Variants in PIK3AP1 observed in about 807,000 individuals in gnomAD.
The protein encoded by PIK3AP1 is phosphoinositide 3-kinase adapter protein 1.
A neutral mutation model predicts 88.1 loss-of-function variants in PIK3AP1; 21 were observed. That is an observed-to-expected ratio of 0.24 (90% CI 0.17 to 0.34). PIK3AP1 has a LOEUF of 0.34. Among genes scored for constraint, PIK3AP1 ranks in the 10% least tolerant of loss-of-function variants. The pLI, the probability that PIK3AP1 is intolerant of heterozygous loss-of-function variation, is 1.00. For synonymous variants in PIK3AP1, 398 were observed against 400.0 expected (o/e 1.00, Z 0.06); for missense variants, 828 against 1,035.7 (o/e 0.80, Z 2.75).
chr10:96,620,436 A>G lies in PIK3AP1; in HGVS notation c.1857T>C (p.Ile619=), dbSNP rs2134201181. The change falls in exon 12 of 17, where the codon ATT becomes ATC. Residue 619 remains isoleucine, a synonymous_variant. Transcript: ENST00000339364. ...ITLQEQVKLG[I]VNVDEAVLHF... ...GGAGCACAGCCTCATCCACGTTGAC[A>G]ATGCCCAGCTTCACCTGCTCCTGGA... 6.2e-7 allele frequency: 1 copy of G among 1,614,162 alleles called. No individual in the cohort carries two copies. Among genetic ancestry groups the G allele is most frequent in the Non-Finnish European group, 8.5e-7 (1 of 1,180,014 alleles).
At chr10:96,636,619 A>T (rs1398513433) in intron 8 of PIK3AP1, among the ~76,000 whole-genome samples, 1 of 152,228 alleles carries the variant, frequency 6.6e-6, no homozygotes, top group African/African-American at 2.4e-5. Flanking sequence ...CAAGCACTTA[A>T]ACTTCATGAC....
chr10:96,620,664 A>C (rs968084968), intron 11 of PIK3AP1, 107 bp from the exon 12 acceptor site: 3 of 915,568 alleles, frequency 3.3e-6, no homozygotes, highest in Non-Finnish European at 5.0e-6. Context: ...ACTCTTCTCA[A>C]AAGAACAATT....
rs749491564 is a variant in PIK3AP1, at chr10:96,631,877, C to CACTGTGT, written c.1376-3385_1376-3384insACACAGT. ...CCAGCCTGGGTGACAGAGCAAGACT[C>CACTGTGT]TGTCTCAAAAAACAAAACAAAACAA... On this transcript the variant is annotated intron_variant, in intron 8 of 16. Coordinates refer to ENST00000339364, the MANE Select transcript of PIK3AP1 (RefSeq NM_152309.3). 8.6e-3 allele frequency among the ~76,000 whole-genome samples: 1,229 copies of CACTGTGT among 143,550 alleles called. 8 individuals carry two copies. The highest frequency in any genetic ancestry group is 0.013 in the Non-Finnish European group (825 of 63,142). 94.2% of individuals were successfully genotyped at this position (143,550 alleles called of 152,430 possible).
chr10:96,662,584 C>G (rs1245430037), intron 2 of PIK3AP1, among the ~76,000 whole-genome samples: 2 of 141,468 alleles, frequency 1.4e-5, no homozygotes, highest in African/African-American at 2.7e-5. Context: ...GCCTGGGCAA[C>G]AAGAGGGAAA....
chr10:96,692,339 G>A (rs1431686639), intron 2 of PIK3AP1, among the ~76,000 whole-genome samples: 1 of 152,196 alleles, frequency 6.6e-6, no homozygotes, highest in African/African-American at 2.4e-5. Flanking sequence ...GCTTTGGGAG[G>A]CCAAGGCAGG....
Position 96,616,198 on chromosome 10 carries a change from G to C in PIK3AP1, c.2014+441C>G, listed in dbSNP as rs573627996. 9.8e-5 allele frequency among the ~76,000 whole-genome samples: 15 copies of C among 152,330 alleles called. No individual in the cohort carries two copies. The South Asian group carries it at 3.1e-3, about 32-fold the overall frequency. On this transcript the variant is annotated intron_variant, in intron 13 of 16. Transcript: ENST00000339364. ...AAGCCCTGCTACACCTGGGGCATGG[G>C]CTTCTGAAGCACTGTATGGTGTGGA...
intron 2 of PIK3AP1, among the ~76,000 whole-genome samples, chr10:96,667,484 A>G (rs565420964): frequency 1.2e-4 from 19 of 152,328 alleles, no homozygotes; most frequent in South Asian, 6.2e-4. Flanking sequence ...CAGCAACTAC[A>G]TTGGTATCAT....
At chr10:96,633,189 T>C (rs1843270204) in intron 8 of PIK3AP1, 2 of 1,087,798 alleles carry the variant, frequency 1.8e-6, no homozygotes, top group Non-Finnish European at 1.3e-6. Context: ...TATTTCTAGT[T>C]CCTGTACAGA....
rs1321469636 is a variant in PIK3AP1 at position 96,700,109 on chromosome 10, C to A, written c.430+9458G>T. ...GAAATTCTCACACGAGCGGAAATTTCAGCATTCGTGACTCCCTTTTCCCCG... is the reference window on the plus strand; with the variant it reads ...GAAATTCTCACACGAGCGGAAATTTAAGCATTCGTGACTCCCTTTTCCCCG... On this transcript the variant is annotated intron_variant, in intron 2 of 16. Transcript: ENST00000339364. Among the ~76,000 whole-genome samples, 2 of 152,284 alleles carry A rather than the reference C, an allele frequency of 1.3e-5. 1 individual carries two copies. The highest frequency in any genetic ancestry group is 4.1e-4 in the South Asian group (2 of 4,826).
chr10:96,704,676 G>A (rs1297575427), intron 2 of PIK3AP1, among the ~76,000 whole-genome samples: 2 of 151,370 alleles, frequency 1.3e-5, no homozygotes, highest in African/African-American at 4.9e-5. Flanking sequence ...CCGAGATTGC[G>A]CCACTGTATT....
chr10:96,677,199 C>T lies in PIK3AP1; in HGVS notation c.431-20265G>A, dbSNP rs541719555. On this transcript the variant is annotated intron_variant, in intron 2 of 16. Coordinates refer to ENST00000339364, the MANE Select transcript of PIK3AP1 (RefSeq NM_152309.3). ...GAAACACCGATTCAGCCATCTTCTG[C>T]CCCCGTGACACATAAAAGTATTGGC... is the stretch of plus-strand genomic sequence containing the variant. Among the ~76,000 whole-genome samples the T allele has an allele frequency of 1.1e-4, 16 of 152,286 alleles. 1 individual carries two copies. The South Asian group carries it at 3.1e-3, about 30-fold the overall frequency.
At chr10:96,633,717 G>A (rs1367700797) in intron 8 of PIK3AP1, among the ~76,000 whole-genome samples, 1 of 152,182 alleles carries the variant, frequency 6.6e-6, no homozygotes, top group African/African-American at 2.4e-5. Flanking sequence ...AGTAATGAAT[G>A]CTTATGAGTT....
At chr10:96,613,582 G>A (rs1849163631) in intron 13 of PIK3AP1, among the ~76,000 whole-genome samples, 3 of 152,240 alleles carry the variant, frequency 2.0e-5, no homozygotes, top group Admixed American at 6.5e-5. Context: ...TTGGAGAGTC[G>A]GGGATGGGGG....
chr10:96,608,677 A>C (rs899314945), intron 14 of PIK3AP1, among the ~76,000 whole-genome samples: 1 of 152,252 alleles, frequency 6.6e-6, no homozygotes, highest in Non-Finnish European at 1.5e-5. Context: ...GTGTGCCCAC[A>C]GACACATGCA....
intron 2 of PIK3AP1, among the ~76,000 whole-genome samples, chr10:96,662,888 C>CAA (rs749898725): frequency 0.02 from 443 of 22,550 alleles, 127 homozygotes; most frequent in African/African-American, 0.048. Flanking sequence ...GACTCCGTCT[C>CAA]AAAAAAAAAA....
intron 4 of PIK3AP1, among the ~76,000 whole-genome samples, 179 bp downstream of exon 4, chr10:96,652,519 G>A (rs540333592): frequency 6.6e-6 from 1 of 152,088 alleles, no homozygotes; most frequent in South Asian, 2.1e-4. Context: ...CTTGCAGTGA[G>A]CTGAGATCAT....
At chr10:96,642,534 G>T (rs557106022) in intron 8 of PIK3AP1, among the ~76,000 whole-genome samples, 2 of 151,918 alleles carry the variant, frequency 1.3e-5, no homozygotes, top group Non-Finnish European at 2.9e-5. Flanking sequence ...AAAAAGAAAA[G>T]AAAGAAAAAT....
chr10:96,602,132 C>G, intron 16 of PIK3AP1, 148 bp downstream of exon 16: 2 of 600,816 alleles, frequency 3.3e-6, no homozygotes, highest in Admixed American at 3.3e-5. Flanking sequence ...ATCCGCCCGC[C>G]TTGGCCTCCC....
At chr10:96,617,819 C>T (rs548679658) in intron 12 of PIK3AP1, among the ~76,000 whole-genome samples, 53 of 152,250 alleles carry the variant, frequency 3.5e-4, no homozygotes, top group South Asian at 2.9e-3. Flanking sequence ...GAAAGGAAAG[C>T]GGCCTTGAGG....
Sources: allele counts gnomAD v4.1 joint callset (sites outside exome capture counted in the v4.1 genomes callset), GRCh38; gene constraint gnomAD v4.1.1; transcripts MANE v1.5; gene names NCBI Gene and HGNC (gene_info 2026-07-23, HGNC 2026-07-21).